Variants in NKAIN3 observed in about 807,000 individuals in gnomAD.
NKAIN3 encodes sodium/potassium transporting ATPase interacting 3, also known as sodium/potassium-transporting ATPase subunit beta-1-interacting protein 3.
NKAIN3 carries 25 observed loss-of-function variants against 30.2 expected under a neutral mutation model. The ratio of observed to expected loss-of-function variants is 0.83; its 90% CI spans 0.60 to 1.16. The LOEUF (loss-of-function observed/expected upper bound fraction) is 1.16. NKAIN3 is among the 50% of genes most tolerant of loss of function. NKAIN3 has a pLI of 0.00. For missense variants in NKAIN3, 225 were observed against 254.1 expected (o/e 0.89, Z 0.78); for synonymous variants, 91 against 89.6 (o/e 1.02, Z -0.09).
intron 6 of NKAIN3, among the ~76,000 whole-genome samples, chr8:62,957,786 A>G (rs1377529647): frequency 1.3e-5 from 2 of 152,222 alleles, no homozygotes; most frequent in African/African-American, 2.4e-5. Flanking sequence ...AATGATGGAC[A>G]TATTTCAGCA....
chr8:62,429,763 C>T (rs965922509), intron 1 of NKAIN3, among the ~76,000 whole-genome samples: 15 of 151,820 alleles, frequency 9.9e-5, no homozygotes, highest in African/African-American at 3.4e-4. Flanking sequence ...TAGGATACTC[C>T]AGTCTTTGTG....
intron 3 of NKAIN3, among the ~76,000 whole-genome samples, chr8:62,668,097 T>TACAC (rs1370972240): frequency 1.5e-5 from 2 of 133,482 alleles, no homozygotes; most frequent in African/African-American, 3.5e-5. Flanking sequence ...CACACACACA[T>TACAC]ACACACACAC....
chr8:62,871,924 T>C (rs571595205), intron 4 of NKAIN3, among the ~76,000 whole-genome samples: 1 of 152,214 alleles, frequency 6.6e-6, no homozygotes, highest in East Asian at 1.9e-4. Context: ...GGAATCCACA[T>C]AGGAATTTGA....
chr8:62,438,133 T>A (rs1232841611), intron 1 of NKAIN3, among the ~76,000 whole-genome samples: 1 of 152,232 alleles, frequency 6.6e-6, no homozygotes, highest in Non-Finnish European at 1.5e-5. Flanking sequence ...GAGAAGGGGC[T>A]GCGCCTGGCT....
At chr8:62,771,511 A>G (rs1394005522) in intron 4 of NKAIN3, among the ~76,000 whole-genome samples, 1 of 152,110 alleles carries the variant, frequency 6.6e-6, no homozygotes, top group African/African-American at 2.4e-5. Context: ...CAAATAAAAG[A>G]ACCTCAGAGA....
intron 5 of NKAIN3, among the ~76,000 whole-genome samples, chr8:62,929,626 T>C (rs1306274171): frequency 6.6e-6 from 1 of 152,164 alleles, no homozygotes; most frequent in East Asian, 1.9e-4. Context: ...TGAGGGAGGC[T>C]TTTCTGCCCA....
chr8:62,476,279 T>C (rs772912682), intron 1 of NKAIN3, among the ~76,000 whole-genome samples: 13 of 152,236 alleles, frequency 8.5e-5, no homozygotes, highest in Non-Finnish European at 1.5e-4. Context: ...ACATTGTTCA[T>C]CTTATTCAGA....
intron 3 of NKAIN3, among the ~76,000 whole-genome samples, chr8:62,650,548 T>C (rs562133689): frequency 1.3e-5 from 2 of 152,338 alleles, no homozygotes; most frequent in African/African-American, 2.4e-5. Context: ...TTCTTCTCGA[T>C]TGTACATTCT....
chr8:62,694,161 C>A (rs2130450391), intron 3 of NKAIN3, among the ~76,000 whole-genome samples: 1 of 152,190 alleles, frequency 6.6e-6, no homozygotes. Context: ...ACTATACTAT[C>A]AACTCCTGGA....
chr8:62,529,462 G>A (rs1046892900), intron 1 of NKAIN3, among the ~76,000 whole-genome samples: 6 of 152,136 alleles, frequency 3.9e-5, no homozygotes, highest in African/African-American at 1.2e-4. Flanking sequence ...AAGGGAGCAG[G>A]CCTTTGGAAG....
intron 1 of NKAIN3, among the ~76,000 whole-genome samples, chr8:62,440,726 G>A (rs1356899688): frequency 1.3e-5 from 2 of 150,250 alleles, no homozygotes; most frequent in Non-Finnish European, 3.0e-5. Flanking sequence ...TCAAGAGAGA[G>A]CTAACGACTG....
At chr8:62,891,947 C>T (rs748002855) in intron 4 of NKAIN3, among the ~76,000 whole-genome samples, 1 of 152,074 alleles carries the variant, frequency 6.6e-6, no homozygotes, top group African/African-American at 2.4e-5. Context: ...CTGCTGAAAA[C>T]TATTTGAGAA....
chr8:62,253,871 A>G (rs180800859), intron 1 of NKAIN3, among the ~76,000 whole-genome samples: 11 of 152,260 alleles, frequency 7.2e-5, no homozygotes, highest in South Asian at 6.2e-4. Context: ...TTTACTATGT[A>G]TTTATACTGA....
chr8:62,866,066 C>T (rs1820404740), intron 4 of NKAIN3, among the ~76,000 whole-genome samples: 1 of 151,940 alleles, frequency 6.6e-6, no homozygotes, highest in South Asian at 2.1e-4. Context: ...ATTTAGCAGT[C>T]CCATTTGTAT....
chr8:62,297,098 C>A (rs1048351731), intron 1 of NKAIN3, among the ~76,000 whole-genome samples: 6 of 152,064 alleles, frequency 3.9e-5, no homozygotes, highest in African/African-American at 1.4e-4. Context: ...GCTTGGTCTT[C>A]TTTTATTCTT....
chr8:62,774,836 C>A (rs1297793500), intron 4 of NKAIN3, among the ~76,000 whole-genome samples: 2 of 152,014 alleles, frequency 1.3e-5, no homozygotes, highest in African/African-American at 2.4e-5. Flanking sequence ...TGTATCAATT[C>A]TCATCAGGGA....
intron 3 of NKAIN3, among the ~76,000 whole-genome samples, chr8:62,666,146 G>A (rs1482672997): frequency 6.6e-6 from 1 of 152,168 alleles, no homozygotes; most frequent in African/African-American, 2.4e-5. Context: ...CCAGAAGGCA[G>A]AGGTTGAAGT....
At chr8:62,624,426 C>A (rs1047989638) in intron 3 of NKAIN3, among the ~76,000 whole-genome samples, 2 of 151,366 alleles carry the variant, frequency 1.3e-5, no homozygotes, top group Non-Finnish European at 2.9e-5. Flanking sequence ...TAACTCTACT[C>A]TCTCTTTTTT....
At chr8:62,808,363 T>C (rs1285667286) in intron 4 of NKAIN3, among the ~76,000 whole-genome samples, 1 of 152,238 alleles carries the variant, frequency 6.6e-6, no homozygotes, top group Non-Finnish European at 1.5e-5. Context: ...TCAATAGTTA[T>C]TCTAGTGTAA....
Sources: allele counts gnomAD v4.1 joint callset (sites outside exome capture counted in the v4.1 genomes callset), GRCh38; gene constraint gnomAD v4.1.1; transcripts MANE v1.5; gene names NCBI Gene and HGNC (gene_info 2026-07-23, HGNC 2026-07-21).